The following TENM4 variants were observed in gnomAD, a reference collection of about 807,000 sequenced individuals.
TENM4 encodes the protein teneurin transmembrane protein 4.
In TENM4, 82 loss-of-function variants were observed where a neutral mutation model predicts 243.3. The ratio of observed to expected loss-of-function variants is 0.34; its 90% CI spans 0.28 to 0.40. TENM4 has a LOEUF of 0.40. Among genes scored for constraint, TENM4 ranks in the 10% least tolerant of loss-of-function variants. TENM4 has a pLI of 1.00. For synonymous variants in TENM4, 1,412 were observed against 1,456.3 expected (o/e 0.97, Z 0.69); for missense variants, 3,138 against 3,673.3 (o/e 0.85, Z 3.77).
chr11:78,901,656 T>G (rs1855931414), intron 7 of TENM4, among the ~76,000 whole-genome samples: 1 of 152,142 alleles, frequency 6.6e-6, no homozygotes. Flanking sequence ...GATTAGTGGC[T>G]GGCTTCTTCC....
chr11:78,912,812 T>G (rs191827334), intron 6 of TENM4, among the ~76,000 whole-genome samples: 2 of 152,324 alleles, frequency 1.3e-5, no homozygotes, highest in East Asian at 3.9e-4. Context: ...GCCAAGAGCA[T>G]CAAAACCTGT....
At position 78,748,732 on chromosome 11, in the gene TENM4, T is replaced by C. The variant is rs548649318; in HGVS notation, c.2756+8073A>G. Among the ~76,000 whole-genome samples, 15 of 152,300 alleles carry C rather than the reference T, an allele frequency of 9.8e-5. No homozygotes were observed. The South Asian group carries it at 1.0e-3, about 11-fold the overall frequency. ...CAAGGGTGATAAAGTCCCTATATCA[T>C]AGGGTCTGCCAGAGATTTAAAGGTG... On this transcript the variant is annotated intron_variant, in intron 19 of 33. Coordinates refer to ENST00000278550, the MANE Select transcript of TENM4 (RefSeq NM_001098816.3).
At chr11:79,164,556 C>G (rs971306511) in intron 3 of TENM4, among the ~76,000 whole-genome samples, 10 of 140,926 alleles carry the variant, frequency 7.1e-5, no homozygotes, top group African/African-American at 2.1e-4. Flanking sequence ...TATCTATATA[C>G]TATATATACT....
rs151083191 is a variant in TENM4, at chr11:78,698,903, C to T, written c.5087+2623G>A. On this transcript the variant is annotated intron_variant, in intron 28 of 33. Coordinates refer to ENST00000278550, the MANE Select transcript of TENM4 (RefSeq NM_001098816.3). ...TTGGGTGGCTCTGCGTGTTATTTTC[C>T]AGCCGACTTTGGATATTCTCAGGGA... 2.4e-3 allele frequency among the ~76,000 whole-genome samples: 369 copies of T among 152,294 alleles called. 7 individuals carry two copies. Among genetic ancestry groups the T allele is most frequent in the Middle Eastern group, 0.017 (5 of 294 alleles).
chr11:79,306,260 G>T (rs556921711), intron 1 of TENM4, among the ~76,000 whole-genome samples: 1 of 152,326 alleles, frequency 6.6e-6, no homozygotes, highest in Admixed American at 6.5e-5. Flanking sequence ...AAAGCTGAGT[G>T]CTGGAAAATG....
chr11:78,722,343 A>G (rs892483895), intron 24 of TENM4, among the ~76,000 whole-genome samples: 4 of 152,146 alleles, frequency 2.6e-5, no homozygotes, highest in Non-Finnish European at 5.9e-5. Context: ...GGTTCATGTG[A>G]CTCATTCTAA....
intron 2 of TENM4, chr11:79,269,532 T>C (rs1855933570): frequency 6.6e-6 from 1 of 152,326 alleles, no homozygotes; most frequent in Non-Finnish European, 1.5e-5. Context: ...AGCAGCATCT[T>C]CCAGGAGGGG....
intron 6 of TENM4, chr11:78,904,019 C>A (rs774209886): frequency 4.5e-5 from 16 of 351,862 alleles, no homozygotes; most frequent in Non-Finnish European, 8.9e-5. Context: ...TCTAGAACCG[C>A]TGATTATATA....
At chr11:78,824,943 G>GT (rs1200424422) in intron 12 of TENM4, among the ~76,000 whole-genome samples, 11 of 152,204 alleles carry the variant, frequency 7.2e-5, no homozygotes, top group Non-Finnish European at 1.5e-4. Context: ...ATTCCAACTG[G>GT]TATCTATTTT....
Position 78,720,360 on chromosome 11 carries a change from G to A in TENM4, c.3821+10C>T. 1 of 1,613,866 alleles carries A rather than the reference G, an allele frequency of 6.2e-7. No individual in the cohort carries two copies. Among genetic ancestry groups the A allele is most frequent in the South Asian group, 1.1e-5 (1 of 91,080 alleles). On this transcript the variant is annotated intron_variant, in intron 25 of 33. Coordinates refer to ENST00000278550, the MANE Select transcript of TENM4 (RefSeq NM_001098816.3). ...GGGTGAGGCAGGAAATTCTCCACTG[G>A]TTGGCTTACCTATGTCTGAAATCTT...
intron 6 of TENM4, among the ~76,000 whole-genome samples, chr11:79,035,107 T>C (rs553182423): frequency 1.4e-4 from 21 of 152,336 alleles, no homozygotes; most frequent in African/African-American, 4.1e-4. Flanking sequence ...ATATTGCCTC[T>C]GCTGTTCTGA....
intron 4 of TENM4, among the ~76,000 whole-genome samples, chr11:79,082,185 C>T (rs1033050739): frequency 6.6e-6 from 1 of 152,148 alleles, no homozygotes; most frequent in Admixed American, 6.5e-5. Flanking sequence ...AGGTGCAAAG[C>T]TCTCTGACTT....
chr11:79,111,684 T>G (rs1861512327), intron 4 of TENM4, among the ~76,000 whole-genome samples: 1 of 152,204 alleles, frequency 6.6e-6, no homozygotes, highest in South Asian at 2.1e-4. Flanking sequence ...GAACCTGTGC[T>G]GGGCACAGGG....
At chr11:79,041,863 C>A (rs1403626544) in intron 6 of TENM4, among the ~76,000 whole-genome samples, 1 of 152,292 alleles carries the variant, frequency 6.6e-6, no homozygotes, top group Non-Finnish European at 1.5e-5. Context: ...TTACTGAACA[C>A]CTGGGTGCCA....
intron 4 of TENM4, among the ~76,000 whole-genome samples, chr11:79,111,049 G>A (rs187239372): frequency 1.3e-5 from 2 of 152,030 alleles, no homozygotes; most frequent in South Asian, 4.2e-4. Context: ...GAGCCGGTGG[G>A]AGACAATTGA....
At chr11:79,322,757 C>G (rs138605447) in intron 1 of TENM4, among the ~76,000 whole-genome samples, 1 of 152,266 alleles carries the variant, frequency 6.6e-6, no homozygotes, top group East Asian at 1.9e-4. Flanking sequence ...TCTACAAGGA[C>G]AATGAAATGT....
intron 1 of TENM4, among the ~76,000 whole-genome samples, chr11:79,344,938 G>A (rs1005565038): frequency 3.9e-5 from 6 of 152,134 alleles, no homozygotes; most frequent in South Asian, 2.1e-4. Flanking sequence ...AGTAGAAATC[G>A]CTGCCATCCA....
intron 6 of TENM4, among the ~76,000 whole-genome samples, chr11:79,020,066 C>G (rs1037463123): frequency 3.9e-5 from 6 of 152,204 alleles, no homozygotes; most frequent in African/African-American, 1.4e-4. Flanking sequence ...AATCCCTTGC[C>G]CTTTCCCAAA....
intron 2 of TENM4, among the ~76,000 whole-genome samples, chr11:79,243,282 T>A (rs1388560964): frequency 1.3e-5 from 2 of 152,168 alleles, no homozygotes; most frequent in Non-Finnish European, 2.9e-5. Context: ...TGTTTTCTCC[T>A]TTTGTGAGGC....
Sources: gnomAD v4.1 joint callset for allele counts (sites outside exome capture counted in the v4.1 genomes callset) on GRCh38, gnomAD v4.1.1 for gene constraint, MANE v1.5 for transcripts, NCBI Gene and HGNC (gene_info 2026-07-23, HGNC 2026-07-21) for gene names.